CIAO3: variants seen among roughly 807,000 people sequenced by gnomAD.
CIAO3 encodes cytosolic iron-sulfur assembly component 3, also known as LET1 like/JFP15.
Under a neutral mutation model 51.5 loss-of-function variants are expected in CIAO3, and 45 were observed. That is an observed-to-expected ratio of 0.87 (90% CI 0.69 to 1.12). The LOEUF (loss-of-function observed/expected upper bound fraction) is 1.12, where lower values mean the gene tolerates loss of function less well. Among genes scored for constraint, CIAO3 ranks in the 50% most tolerant of loss-of-function variants. The pLI, the probability that CIAO3 is intolerant of heterozygous loss-of-function variation, is 0.00. For missense variants in CIAO3, 668 were observed against 632.5 expected (o/e 1.06, Z -0.60); for synonymous variants, 314 against 269.3 (o/e 1.17, Z -1.63).
intron 4 of CIAO3, among the ~76,000 whole-genome samples, chr16:735,789 A>G (rs959293271): frequency 6.6e-6 from 1 of 152,100 alleles, no homozygotes; most frequent in Non-Finnish European, 1.5e-5. Context: ...GAATGAAGGG[A>G]CTGGACATGG....
chr16:734,189 G>T (rs886410558), intron 6 of CIAO3, 40 bp downstream of exon 6: 5 of 1,566,292 alleles, frequency 3.2e-6, no homozygotes, highest in Non-Finnish European at 4.4e-6. Flanking sequence ...ACTTCTGGCC[G>T]CTCCCCAGCC....
intron 1 of CIAO3, chr16:740,388 G>C: frequency 3.1e-6 from 1 of 323,296 alleles, no homozygotes; most frequent in South Asian, 2.6e-5. Context: ...AGCCACTGCG[G>C]GGCGTCTAGC....
rs2151603594 is a variant in CIAO3, at chr16:737,333, C to T, written c.163-4G>A. 6.2e-7 allele frequency: 1 copy of T among 1,612,920 alleles called. No individual in the cohort carries two copies. Among genetic ancestry groups the T allele is most frequent in the Non-Finnish European group, 8.5e-7 (1 of 1,179,984 alleles). ...CCAGCCTCCGGGTCCCGCCGTCCTACAAGGGAGAAGAACCCGGTGCACAGG... is the reference window on the plus strand; with the variant it reads ...CCAGCCTCCGGGTCCCGCCGTCCTATAAGGGAGAAGAACCCGGTGCACAGG... On this transcript the variant is annotated splice_region_variant and splice_polypyrimidine_tract_variant and intron_variant, in intron 2 of 10. Coordinates refer to ENST00000251588, the MANE Select transcript of CIAO3 (RefSeq NM_022493.3). This position sits in a 1 kb window ranked among gnomAD's most constrained non-coding sequence, Gnocchi z 5.3.
Position 730,874 on chromosome 16 carries a change from G to C in CIAO3, c.1161C>G (p.Tyr387Ter), listed in dbSNP as rs1190430549. The C allele has an allele frequency of 6.2e-7, 1 of 1,612,860 alleles. No individual in the cohort carries two copies. The highest frequency in any genetic ancestry group is 1.1e-5 in the South Asian group (1 of 91,092). ...GGCAGGCCATGACCTCCACGTAGTG[G>C]TAGGGGCAGCGCCCTCGTTTGAGCC... is the stretch of plus-strand genomic sequence containing the variant. The part of the protein sequence containing the change: ...VQRLKRGRCP[Y>*]HYVEVMACPS... The change falls in exon 10 of 11, where the codon TAC becomes TAG. Residue 387 changes from tyrosine to a stop codon, truncating the protein, a stop_gained. Coordinates refer to ENST00000251588, the MANE Select transcript of CIAO3 (RefSeq NM_022493.3). LOFTEE classifies it low-confidence loss of function (END_TRUNC).
chr16:733,613 C>A lies in CIAO3; in HGVS notation c.694-186G>T, dbSNP rs868127019. 3.2e-5 allele frequency: 26 copies of A among 801,682 alleles called. No homozygotes were observed. In the African/African-American group the frequency reaches 4.5e-4, roughly 14 times the overall value. 49.7% of individuals were successfully genotyped at this position (801,682 alleles called of 1,614,324 possible). A position where few individuals can be genotyped will look rare whatever the true frequency, so the allele number is the denominator to read the frequency against. On this transcript the variant is annotated intron_variant, in intron 6 of 10. Transcript: ENST00000251588. ...TGGACAGGACGGGCCCTGGCTGTGA[C>A]AGAAAATGACACTGACCCATTCCCA... is the stretch of plus-strand genomic sequence containing the variant.
chr16:737,131 G>A lies in CIAO3; in HGVS notation c.306+55C>T, dbSNP rs1373538142. ...CTGCCCTTGGCAAAACGCGTTGTCG[G>A]CTGCTGGGATGGATTTCAGGTTAAA... On this transcript the variant is annotated intron_variant, in intron 3 of 10. Transcript: ENST00000251588. The surrounding 1 kb of genome is among the most constrained non-coding windows in gnomAD (Gnocchi z 5.3). 2.5e-6 allele frequency: 4 copies of A among 1,603,538 alleles called. No individual in the cohort carries two copies. Among genetic ancestry groups the A allele is most frequent in the Non-Finnish European group, 3.4e-6 (4 of 1,171,970 alleles).
chr16:733,866 G>A (rs1596671917), intron 6 of CIAO3: 1 of 368,132 alleles, frequency 2.7e-6, no homozygotes, highest in Admixed American at 4.2e-5. Flanking sequence ...CCCGCCCCCT[G>A]CTGGCTGAGT....
rs149557918 is a variant in CIAO3, at chr16:734,330, C to T, written c.592G>A (p.Glu198Lys). 6.0e-5 allele frequency: 96 copies of T among 1,610,680 alleles called. No individual in the cohort carries two copies. Among genetic ancestry groups the T allele is most frequent in the Non-Finnish European group, 7.7e-5 (91 of 1,179,676 alleles). Reference sequence around the variant, plus strand: ...AGGATGAAGCTGCCGTGAGTCTTCTCGGCATAGCAGATCCAGCCTGAGGTG... The same window carrying T: ...AGGATGAAGCTGCCGTGAGTCTTCTTGGCATAGCAGATCCAGCCTGAGGTG... ...SACPGWICYA[E>K]KTHGSFILPH... The change falls in exon 6 of 11, where the codon GAG becomes AAG. Residue 198 changes from glutamate to lysine, a missense_variant. Glu to Lys is a moderately conservative substitution (Grantham distance 56). Coordinates refer to ENST00000251588, the MANE Select transcript of CIAO3 (RefSeq NM_022493.3).
intron 4 of CIAO3, chr16:735,092 T>A: frequency 1.8e-6 from 1 of 541,112 alleles, no homozygotes; most frequent in Non-Finnish European, 3.1e-6. Context: ...CGGCATCCCC[T>A]GTGAACCCAG....
Position 731,620 on chromosome 16 carries a change from C to A in CIAO3, c.979G>T (p.Ala327Ser). The A allele has an allele frequency of 1.3e-6, 2 of 1,561,908 alleles. No individual in the cohort carries two copies. The highest frequency in any genetic ancestry group is 1.2e-5 in the South Asian group (1 of 84,976). Residue 327 changes from alanine (A) to serine (S), a missense_variant, in exon 9 of 11, where the codon GCG becomes TCG. By Grantham distance (99) the Ala-to-Ser change is moderately conservative. Coordinates refer to ENST00000251588, the MANE Select transcript of CIAO3 (RefSeq NM_022493.3). The part of the protein sequence containing the change: ...GGYLEHVFRH[A>S]ARELFGIHVA... ...TGGATTCCAAAGAGCTCTCGGGCCG[C>A]GTGCCGGAACACGTGCTCCAGGTAG...
At position 737,361 on chromosome 16, in the gene CIAO3, C is replaced by A. The variant is rs1289137967; in HGVS notation, c.163-32G>T. 3 of 1,611,252 alleles carry A rather than the reference C, an allele frequency of 1.9e-6. No homozygotes were observed. The highest frequency in any genetic ancestry group is 1.7e-5 in the Admixed American group (1 of 60,006). ...GGGAGAAGAACCCGGTGCACAGGGG[C>A]CCCCTCTGCACGAGGACATGGAGAC... On this transcript the variant is annotated intron_variant, in intron 2 of 10. Coordinates refer to ENST00000251588, the MANE Select transcript of CIAO3 (RefSeq NM_022493.3). The surrounding 1 kb of genome is among the most constrained non-coding windows in gnomAD (Gnocchi z 5.3).
At position 734,253 on chromosome 16, in the gene CIAO3, G is replaced by C. The variant is rs200971952; in HGVS notation, c.669C>G (p.Val223=). ...CCTGCTGCTGGGCGAAGAAGTCCTT[G>C]ACCAGGGAGCCCATGACCTGCTGCG... ...RSPQQVMGSL[V]KDFFAQQQHL... Residue 223 remains valine (V), a synonymous_variant, in exon 6 of 11, where the codon GTC becomes GTG. Transcript: ENST00000251588. The C allele has an allele frequency of 4.4e-4, 713 of 1,611,900 alleles. 1 individual carries two copies. Among genetic ancestry groups the C allele is most frequent in the Non-Finnish European group, 3.4e-4 (396 of 1,179,926 alleles).
At chr16:740,552 C>T (rs989586398) in intron 1 of CIAO3, 4 of 347,970 alleles carry the variant, frequency 1.1e-5, no homozygotes, top group Non-Finnish European at 2.1e-5. Context: ...CGCCCTCCAG[C>T]TGCGACCCAG....
rs1322599375 is a variant in CIAO3, at chr16:737,322, C to A, written c.170G>T (p.Gly57Val). ...CTTGGCCTTCTCCAGCCTCCGGGTC[C>A]CGCCGTCCTACAAGGGAGAAGAACC... ...GSYFQINQDG[G>V]TRRLEKAKVS... Residue 57 changes from glycine (G) to valine (V), a missense_variant, in exon 3 of 11, where the codon GGG (glycine) becomes GTG (valine). By Grantham distance (109) the Gly-to-Val change is moderately radical. Coordinates refer to ENST00000251588, the MANE Select transcript of CIAO3 (RefSeq NM_022493.3). The surrounding 1 kb of genome is among the most constrained non-coding windows in gnomAD (Gnocchi z 5.3). The A allele has an allele frequency of 6.2e-7, 1 of 1,613,076 alleles. No homozygotes were observed. Among genetic ancestry groups the A allele is most frequent in the South Asian group, 1.1e-5 (1 of 91,084 alleles).
At position 738,006 on chromosome 16, in the gene CIAO3, G is replaced by A. The variant is rs1214122437; in HGVS notation, c.163-677C>T. 1.9e-5 allele frequency: 22 copies of A among 1,147,106 alleles called. No individual in the cohort carries two copies. The Middle Eastern group carries it at 1.2e-3, about 63-fold the overall frequency. 71.1% of individuals were successfully genotyped at this position (1,147,106 alleles called of 1,614,324 possible). A position where few individuals can be genotyped will look rare whatever the true frequency, so the allele number is the denominator to read the frequency against. On this transcript the variant is annotated intron_variant, in intron 2 of 10. Coordinates refer to ENST00000251588, the MANE Select transcript of CIAO3 (RefSeq NM_022493.3). ...CGGAATACAGCCAGAGGAGTAAGGC[G>A]ACTGGGTGGGAACTGTGTGGGAACC... is the stretch of plus-strand genomic sequence containing the variant.
At chr16:733,741 G>A in intron 6 of CIAO3, 1 of 416,086 alleles carries the variant, frequency 2.4e-6, no homozygotes, top group Non-Finnish European at 4.5e-6. Context: ...GGATGTCACG[G>A]GGGAACCAAC....
chr16:736,153 C>CTTTAT (rs2041334854), intron 4 of CIAO3, 113 bp downstream of exon 4: 1 of 1,374,268 alleles, frequency 7.3e-7, no homozygotes, highest in Non-Finnish European at 1.0e-6. Context: ...TTCTGTAGCG[C>CTTTAT]TGAAGTTCAG....
In CIAO3 at chr16:737,827, A is replaced by G. The variant is rs12449156; in HGVS notation, c.163-498T>C. 7.6e-6 allele frequency: 9 copies of G among 1,189,244 alleles called. No individual in the cohort carries two copies. The highest frequency in any genetic ancestry group is 9.6e-6 in the Non-Finnish European group (9 of 940,994). 73.7% of individuals were successfully genotyped at this position (1,189,244 alleles called of 1,614,324 possible). ...GGCAGAAACAACCGTCAGACTCGCC[A>G]AACAGATGCAGGAACAAGGTGTTCC... On this transcript the variant is annotated intron_variant, in intron 2 of 10. Coordinates refer to ENST00000251588, the MANE Select transcript of CIAO3 (RefSeq NM_022493.3). This position sits in a 1 kb window ranked among gnomAD's most constrained non-coding sequence, Gnocchi z 5.3.
rs1490295375 is a variant in CIAO3 at position 740,925 on chromosome 16, A to T, written c.61T>A (p.Ser21Thr). The T allele has an allele frequency of 6.5e-7, 1 of 1,528,506 alleles. No individual in the cohort carries two copies. The highest frequency in any genetic ancestry group is 8.8e-7 in the Non-Finnish European group (1 of 1,142,536). The allele number at this position is 1,528,506 out of a possible 1,614,324, so 94.7% of individuals were successfully genotyped here. Reference sequence around the variant, plus strand: ...GCCCGCCCAGGCCGGCCCACCTGAGACGGCCCGATGAAGTCATCCAGGTCC... The same window carrying T: ...GCCCGCCCAGGCCGGCCCACCTGAGTCGGCCCGATGAAGTCATCCAGGTCC... The part of the protein sequence containing the change: ...LTDLDDFIGP[S>T]QECIKPVKVE... The change falls in exon 1 of 11, where the codon TCT (serine) becomes ACT (threonine). Residue 21 changes from serine to threonine, a missense_variant. Ser to Thr is a moderately conservative substitution (Grantham distance 58, BLOSUM62 1). Transcript: ENST00000251588.
Sources: gnomAD v4.1 joint callset for allele counts (sites outside exome capture counted in the v4.1 genomes callset) on GRCh38, gnomAD v4.1.1 for gene constraint, Gnocchi (gnomAD v3.1) non-coding constraint, MANE v1.5 for transcripts, NCBI Gene and HGNC (gene_info 2026-07-23, HGNC 2026-07-21) for gene names.